The following ABCF3 variants were observed in gnomAD, a reference collection of about 807,000 sequenced individuals.
ABCF3 encodes the protein ATP-binding cassette sub-family F member 3.
In ABCF3, 62 loss-of-function variants were observed where a neutral mutation model predicts 94.3. That is an observed-to-expected ratio of 0.66 (90% CI 0.54 to 0.81). The LOEUF is 0.81. Among genes scored for constraint, ABCF3 ranks in the 40% least tolerant of loss-of-function variants. The pLI, the probability that ABCF3 is intolerant of heterozygous loss-of-function variation, is 0.00. For missense variants in ABCF3, 843 were observed against 925.3 expected, an observed-to-expected ratio of 0.91 and a Z score of 1.15; for synonymous variants, 355 against 361.1, an observed-to-expected ratio of 0.98 and a Z score of 0.19.
rs375009324 is a variant in ABCF3 at position 184,191,749 on chromosome 3, C to CTTTTTTTTTTTTTTTTTTTTTTTTTTTTT, written c.1569+508_1569+509insTTTTTTTTTTTTTTTTTTTTTTTTTTTTT. On this transcript the variant is annotated intron_variant, in intron 16 of 20. Coordinates refer to ENST00000429586, the MANE Select transcript of ABCF3 (RefSeq NM_018358.3). Reference sequence around the variant, plus strand: ...GCATTTTTCTGTAGAGTTAGAGTTCCTTTTTTTTTTTTTTCGGAGACAGAG... The same window carrying CTTTTTTTTTTTTTTTTTTTTTTTTTTTTT: ...GCATTTTTCTGTAGAGTTAGAGTTCCTTTTTTTTTTTTTTTTTTTTTTTTTTTTTTTTTTTTTTTTTTTCGGAGACAGAG... 6.6e-4 allele frequency among the ~76,000 whole-genome samples: 76 copies of CTTTTTTTTTTTTTTTTTTTTTTTTTTTTT among 114,710 alleles called. 14 individuals are homozygous for CTTTTTTTTTTTTTTTTTTTTTTTTTTTTT. Among genetic ancestry groups the CTTTTTTTTTTTTTTTTTTTTTTTTTTTTT allele is most frequent in the African/African-American group, 8.8e-4 (24 of 27,312 alleles). 75.3% of individuals were successfully genotyped at this position (114,710 alleles called of 152,430 possible).
rs778493301 is a variant in ABCF3, at chr3:184,193,321, C to T, written c.1884-44C>T. On this transcript the variant is annotated intron_variant, in intron 19 of 20. Coordinates refer to ENST00000429586, the MANE Select transcript of ABCF3 (RefSeq NM_018358.3). This position sits in a 1 kb window ranked among gnomAD's most constrained non-coding sequence, Gnocchi z 5.2. ...TGTATCAGAAGGCTTTATTTTCTCT[C>T]ACCGCACCCCTTCACTGCCCACCTT... 3.0e-5 allele frequency: 48 copies of T among 1,613,508 alleles called. No individual in the cohort carries two copies. Among genetic ancestry groups the T allele is most frequent in the Non-Finnish European group, 3.3e-5 (39 of 1,179,730 alleles).
At position 184,192,904 on chromosome 3, in the gene ABCF3, A is replaced by G; in HGVS notation, c.1750+8A>G. The G allele has an allele frequency of 6.2e-7, 1 of 1,613,676 alleles. No homozygotes were observed. Among genetic ancestry groups the G allele is most frequent in the African/African-American group, 1.3e-5 (1 of 75,038 alleles). ...TGGCACGCAAGTTTCCTGGTGAGTT[A>G]GGGATTTGAGTCGGGGGAAGAGTTT... is the stretch of plus-strand genomic sequence containing the variant. On this transcript the variant is annotated splice_region_variant and intron_variant, in intron 18 of 20. Coordinates refer to ENST00000429586, the MANE Select transcript of ABCF3 (RefSeq NM_018358.3).
intron 1 of ABCF3, 63 bp from the exon 2 acceptor site, chr3:184,186,444 T>TCTGTCTGGGGA (rs1715623739): frequency 6.3e-7 from 1 of 1,580,926 alleles, no homozygotes; most frequent in African/African-American, 1.3e-5. Context: ...CTGTCTGGGG[T>TCTGTCTGGGGA]CTGAAACTGC....
intron 3 of ABCF3, 144 bp from the exon 4 acceptor site, chr3:184,187,253 C>T: frequency 1.1e-6 from 1 of 886,606 alleles, no homozygotes; most frequent in South Asian, 1.4e-5. Flanking sequence ...GTTTTTAGTG[C>T]AGGGAAGATA....
rs376344523 is a variant in ABCF3, at chr3:184,188,887, G to C, written c.918-42G>C. ...CTCCTTCAGATTTCCTTTCCCTTCT[G>C]TGGACTGTTCCAACTGAGTTCTTCG... On this transcript the variant is annotated intron_variant, in intron 8 of 20. Transcript: ENST00000429586. 2.5e-6 allele frequency: 4 copies of C among 1,614,010 alleles called. No individual in the cohort carries two copies. In the African/African-American group the frequency reaches 5.3e-5, roughly 22 times the overall value.
chr3:184,186,904 GC>G lies in ABCF3; in HGVS notation c.301+35del. The G allele has an allele frequency of 2.5e-6, 4 of 1,596,624 alleles. No homozygotes were observed. The South Asian group carries it at 4.5e-5, about 18-fold the overall frequency. Reference sequence around the variant, plus strand: ...AGAGTGAGGGGAGGTTGAACTAACTGCCCCCCTGTGCTTTTCTCCGCCCCCA... The same window carrying G: ...AGAGTGAGGGGAGGTTGAACTAACTGCCCCCTGTGCTTTTCTCCGCCCCCA... On this transcript the variant is annotated intron_variant, in intron 3 of 20. Coordinates refer to ENST00000429586, the MANE Select transcript of ABCF3 (RefSeq NM_018358.3).
At position 184,188,367 on chromosome 3, in the gene ABCF3, C is replaced by T. The variant is rs556532781; in HGVS notation, c.796C>T (p.Arg266Trp). 76 of 1,613,058 alleles carry T rather than the reference C, an allele frequency of 4.7e-5. 1 individual carries two copies. The South Asian group carries it at 6.7e-4, about 14-fold the overall frequency. Residue 266 changes from arginine (R) to tryptophan (W), a missense_variant, in exon 7 of 21, where the codon CGG becomes TGG. Transcript: ENST00000429586. ...TGACAGTGTGCGAGAGGATTTGCTA[C>T]GGAGGGAGCGGGAGCTCACTGCCCA... is the stretch of plus-strand genomic sequence containing the variant. ...ESDSVREDLL[R>W]RERELTAQIA...
chr3:184,189,082 C>T lies in ABCF3; in HGVS notation c.978-6C>T, dbSNP rs767946877. The stretch of plus-strand genomic sequence containing the variant: ...CCACCCATAATGTGACTCCATCATT[C>T]TTTAGGGAGTTCTCAGGTGGCTGGA... On this transcript the variant is annotated splice_polypyrimidine_tract_variant and splice_region_variant and intron_variant, in intron 9 of 20. Coordinates refer to ENST00000429586, the MANE Select transcript of ABCF3 (RefSeq NM_018358.3). 5.0e-5 allele frequency: 80 copies of T among 1,614,212 alleles called. No homozygotes were observed. The South Asian group carries it at 8.3e-4, about 17-fold the overall frequency.
Position 184,193,179 on chromosome 3 carries a change from AGC to A in ABCF3, c.1829_1830del (p.Ser610ThrfsTer26). 1 of 1,567,480 alleles carries A rather than the reference AGC, an allele frequency of 6.4e-7. No individual in the cohort carries two copies. Among genetic ancestry groups the A allele is most frequent in the South Asian group, 1.2e-5 (1 of 82,938 alleles). ...AGAACTGGCCATGCGTCCTCTTGCC[AGC>A]CTGTCTGGGGGCCAGAAGAGCCGAG... is the stretch of plus-strand genomic sequence containing the variant. ...SGELAMRPLA[S>X]LSGGQKSRVA... is the part of the protein sequence containing the mutation. On this transcript the variant is annotated frameshift_variant, in exon 19 of 21. Coordinates refer to ENST00000429586, the MANE Select transcript of ABCF3 (RefSeq NM_018358.3). LOFTEE classifies it high-confidence loss of function. This position sits in a 1 kb window ranked among gnomAD's most constrained non-coding sequence, Gnocchi z 5.2.
Position 184,188,944 on chromosome 3 carries a change from C to T in ABCF3, c.933C>T (p.Leu311=), listed in dbSNP as rs368097791. ...TCTCTACTAGGGCATCAGTCATTCTCGCTGGGCTTGGCTTTACCCCTAAAA... is the reference window on the plus strand; with the variant it reads ...TCTCTACTAGGGCATCAGTCATTCTTGCTGGGCTTGGCTTTACCCCTAAAA... ...DKAPARASVI[L]AGLGFTPKMQ... Residue 311 remains leucine, a synonymous_variant, in exon 9 of 21, where the codon CTC becomes CTT. Coordinates refer to ENST00000429586, the MANE Select transcript of ABCF3 (RefSeq NM_018358.3). The T allele has an allele frequency of 8.7e-6, 14 of 1,614,130 alleles. No individual in the cohort carries two copies. Among genetic ancestry groups the T allele is most frequent in the South Asian group, 7.7e-5 (7 of 91,096 alleles).
At chr3:184,186,910 C>A in intron 3 of ABCF3, 35 bp downstream of exon 3, 1 of 1,594,556 alleles carries the variant, frequency 6.3e-7, no homozygotes, top group Admixed American at 1.7e-5. Context: ...AACTGCCCCC[C>A]TGTGCTTTTC....
rs755572921 is a variant in ABCF3 at position 184,189,109 on chromosome 3, G to A, written c.999G>A (p.Arg333=). ...QPTREFSGGW[R]MRLALARALF... Reference sequence around the variant, plus strand: ...TTAGGGAGTTCTCAGGTGGCTGGAGGATGAGGCTGGCCCTGGCCCGGGCCC... The same window carrying A: ...TTAGGGAGTTCTCAGGTGGCTGGAGAATGAGGCTGGCCCTGGCCCGGGCCC... Residue 333 remains arginine, a synonymous_variant, in exon 10 of 21, where the codon AGG becomes AGA. Transcript: ENST00000429586. The A allele has an allele frequency of 1.2e-6, 2 of 1,614,204 alleles. No homozygotes were observed. The highest frequency in any genetic ancestry group is 1.1e-5 in the South Asian group (1 of 91,088).
chr3:184,187,320 T>A, intron 3 of ABCF3, 77 bp from the exon 4 acceptor site: 1 of 1,542,060 alleles, frequency 6.5e-7, no homozygotes, highest in Non-Finnish European at 8.9e-7. Flanking sequence ...TGTCTGTGCC[T>A]GGTTCCTATT....
In ABCF3 at chr3:184,193,101, G is replaced by C; in HGVS notation, c.1751-1G>C. 6.5e-7 allele frequency: 1 copy of C among 1,535,782 alleles called. No homozygotes were observed. On this transcript the variant is annotated splice_acceptor_variant, in intron 18 of 20. Coordinates refer to ENST00000429586, the MANE Select transcript of ABCF3 (RefSeq NM_018358.3). LOFTEE classifies it high-confidence loss of function. The surrounding 1 kb of genome is among the most constrained non-coding windows in gnomAD (Gnocchi z 5.2). ...ACCTGATCTGGGGAGTCCTTTTCCAGGGCGGCCTGAGGAGGAGTACCGTCA... is the reference window on the plus strand; with the variant it reads ...ACCTGATCTGGGGAGTCCTTTTCCACGGCGGCCTGAGGAGGAGTACCGTCA...
In ABCF3 at chr3:184,193,187, TG is replaced by T; in HGVS notation, c.1841del (p.Gly614AlafsTer11). ...CCATGCGTCCTCTTGCCAGCCTGTC[TG>T]GGGGCCAGAAGAGCCGAGTGGCCTT... ...LAMRPLASLS[G>X]GQKSRVAFAQ... On this transcript the variant is annotated frameshift_variant, in exon 19 of 21. Transcript: ENST00000429586. LOFTEE classifies it high-confidence loss of function. This position sits in a 1 kb window ranked among gnomAD's most constrained non-coding sequence, Gnocchi z 5.2. 1.3e-6 allele frequency: 2 copies of T among 1,566,266 alleles called. No individual in the cohort carries two copies. The highest frequency in any genetic ancestry group is 1.7e-6 in the Non-Finnish European group (2 of 1,156,422).
intron 16 of ABCF3, among the ~76,000 whole-genome samples, chr3:184,191,865 CCCA>C (rs1186252642): frequency 6.6e-6 from 1 of 151,626 alleles, no homozygotes; most frequent in Non-Finnish European, 1.5e-5. Flanking sequence ...CTCCCTCAGC[CCCA>C]CAAGTAGCTG....
chr3:184,189,157 G>A lies in ABCF3; in HGVS notation c.1034+13G>A. On this transcript the variant is annotated intron_variant, in intron 10 of 20. Coordinates refer to ENST00000429586, the MANE Select transcript of ABCF3 (RefSeq NM_018358.3). ...CCCTCTTTGCTAGGTGAGTCTCCTG[G>A]GCCAGTGTATGAAGCCCTATGGAAG... The A allele has an allele frequency of 6.2e-7, 1 of 1,614,182 alleles. No homozygotes were observed. Among genetic ancestry groups the A allele is most frequent in the Non-Finnish European group, 8.5e-7 (1 of 1,180,030 alleles).
In ABCF3 at chr3:184,189,762, G is replaced by A; in HGVS notation, c.1314+5G>A. ...CAGTATCGCCAGCACATCCAGGTGT[G>A]GGGCCTGGCAGGGCTGGGGGTCCCA... On this transcript the variant is annotated splice_donor_5th_base_variant and intron_variant, in intron 13 of 20. Transcript: ENST00000429586. The A allele has an allele frequency of 6.2e-7, 1 of 1,613,922 alleles. No individual in the cohort carries two copies. Among genetic ancestry groups the A allele is most frequent in the Non-Finnish European group, 8.5e-7 (1 of 1,179,980 alleles).
In ABCF3 at chr3:184,186,582, A is replaced by G; in HGVS notation, c.149A>G (p.Glu50Gly). Residue 50 changes from glutamate (E) to glycine (G), a missense_variant, in exon 2 of 21, where the codon GAG (glutamate) becomes GGG (glycine). Physicochemically the swap from Glu to Gly is moderately conservative, Grantham distance 98 (BLOSUM62 -2). Coordinates refer to ENST00000429586, the MANE Select transcript of ABCF3 (RefSeq NM_018358.3). ...GAAGCTGTAGGGGAACTATTGCAAGAGGTGTCCGGGGACAGCAAGGATGAC... is the reference window on the plus strand; with the variant it reads ...GAAGCTGTAGGGGAACTATTGCAAGGGGTGTCCGGGGACAGCAAGGATGAC... ...LVEAVGELLQ[E>G]VSGDSKDDAG... is the part of the protein sequence containing the mutation. 2 of 1,613,994 alleles carry G rather than the reference A, an allele frequency of 1.2e-6. No homozygotes were observed. Among genetic ancestry groups the G allele is most frequent in the Non-Finnish European group, 1.7e-6 (2 of 1,179,966 alleles).
Sources: allele counts gnomAD v4.1 joint callset (sites outside exome capture counted in the v4.1 genomes callset), GRCh38; gene constraint gnomAD v4.1.1; non-coding constraint Gnocchi (gnomAD v3.1); transcripts MANE v1.5; gene names NCBI Gene and HGNC (gene_info 2026-07-23, HGNC 2026-07-21).